Variants in COL13A1 observed in about 807,000 individuals in gnomAD.
The protein encoded by COL13A1 is collagen type XIII alpha 1 chain.
Under a neutral mutation model 130.9 loss-of-function variants are expected in COL13A1, and 89 were observed. That is an observed-to-expected ratio of 0.68 (90% CI 0.57 to 0.81). The LOEUF (loss-of-function observed/expected upper bound fraction) is 0.81. Among genes scored for constraint, COL13A1 ranks in the 30% least tolerant of loss-of-function variants. The probability of loss-of-function intolerance (pLI) is 0.00; values close to 1 mark genes in which losing one functional copy is unlikely to be tolerated. For missense variants in COL13A1, 879 were observed against 934.6 expected, an observed-to-expected ratio of 0.94 and a Z score of 0.78; for synonymous variants, 402 against 341.6, an observed-to-expected ratio of 1.18 and a Z score of -1.95.
At chr10:69,952,124 G>A (rs990418305) in intron 38 of COL13A1, among the ~76,000 whole-genome samples, 17 of 152,230 alleles carry the variant, frequency 1.1e-4, no homozygotes, top group African/African-American at 2.2e-4. Context: ...TACAAATAAC[G>A]GTCTGACTTC....
chr10:69,874,096 T>C (rs1225725990), intron 4 of COL13A1, among the ~76,000 whole-genome samples: 2 of 152,252 alleles, frequency 1.3e-5, no homozygotes, highest in Admixed American at 6.5e-5. Context: ...CTGCCATTCT[T>C]TAGCAAAAGT....
chr10:69,866,022 A>G (rs1405777446), intron 2 of COL13A1, among the ~76,000 whole-genome samples: 2 of 152,200 alleles, frequency 1.3e-5, no homozygotes, highest in Non-Finnish European at 2.9e-5. Flanking sequence ...CCTGGCACCT[A>G]ATAAGGACCA....
At chr10:69,916,390 G>A (rs1354544649) in intron 17 of COL13A1, among the ~76,000 whole-genome samples, 1 of 152,184 alleles carries the variant, frequency 6.6e-6, no homozygotes, top group Non-Finnish European at 1.5e-5. Flanking sequence ...CCCAGCTGGG[G>A]CTTCGTGCTC....
intron 1 of COL13A1, among the ~76,000 whole-genome samples, chr10:69,807,109 C>T (rs1409053864): frequency 2.0e-5 from 3 of 152,186 alleles, no homozygotes; most frequent in African/African-American, 4.8e-5. Flanking sequence ...TTGAGAGATG[C>T]CAGGTAGACT....
intron 17 of COL13A1, among the ~76,000 whole-genome samples, chr10:69,913,076 C>T (rs930253764): frequency 2.0e-5 from 3 of 152,230 alleles, no homozygotes; most frequent in African/African-American, 7.2e-5. Flanking sequence ...CGCCTCTCTA[C>T]CCACTTGTGC....
chr10:69,836,755 C>T (rs1396620547), intron 2 of COL13A1, among the ~76,000 whole-genome samples: 1 of 152,174 alleles, frequency 6.6e-6, no homozygotes, highest in African/African-American at 2.4e-5. Flanking sequence ...CTCATGGAGA[C>T]CCTGGGGAGC....
intron 2 of COL13A1, among the ~76,000 whole-genome samples, chr10:69,864,804 A>AGCTGAGGCAGTGCCT (rs1005011980): frequency 2.0e-5 from 3 of 152,158 alleles, no homozygotes; most frequent in Admixed American, 1.3e-4. Flanking sequence ...CTCAGCAGGA[A>AGCTGAGGCAGTGCCT]GCTGAGGCAG....
intron 2 of COL13A1, among the ~76,000 whole-genome samples, chr10:69,846,211 G>A (rs74139211): frequency 0.025 from 3,778 of 152,336 alleles, 129 homozygotes; most frequent in African/African-American, 0.079. Flanking sequence ...CCCAGCCCTC[G>A]GTAACAAGGG....
chr10:69,941,141 C>T, intron 35 of COL13A1, 118 bp downstream of exon 35: 1 of 1,531,010 alleles, frequency 6.5e-7, no homozygotes, highest in South Asian at 1.2e-5. Context: ...GGTCCCACCT[C>T]CGACACCAGA....
chr10:69,929,136 G>T (rs1308421726), intron 28 of COL13A1, 137 bp downstream of exon 28: 1 of 649,340 alleles, frequency 1.5e-6, no homozygotes, highest in East Asian at 2.9e-5. Flanking sequence ...CAGGGGACCC[G>T]CCCACCCACC....
intron 1 of COL13A1, among the ~76,000 whole-genome samples, chr10:69,803,068 T>A (rs111573843): frequency 2.0e-5 from 3 of 152,230 alleles, no homozygotes; most frequent in African/African-American, 7.2e-5. Flanking sequence ...CAGGGTGGTG[T>A]GACAGCCGCC....
intron 4 of COL13A1, among the ~76,000 whole-genome samples, chr10:69,874,739 C>G (rs2059415111): frequency 6.6e-6 from 1 of 152,210 alleles, no homozygotes; most frequent in African/African-American, 2.4e-5. Context: ...TCACCCTGCT[C>G]TGTGCCTTGA....
intron 5 of COL13A1, among the ~76,000 whole-genome samples, chr10:69,876,943 C>T (rs114763793): frequency 6.6e-6 from 1 of 152,204 alleles, no homozygotes; most frequent in African/African-American, 2.4e-5. Flanking sequence ...TCCTGTCCGT[C>T]CTGTCCTCCT....
rs1460682033 is a variant in COL13A1, at chr10:69,872,083, C to T, written c.373-101C>T. On this transcript the variant is annotated intron_variant, in intron 3 of 40. Coordinates refer to ENST00000645393, the MANE Select transcript of COL13A1 (RefSeq NM_001368882.1). ...TGTTCATAAAATAACAAAGGCTTAC[C>T]CAAGTGGCATGCCAAGGTCACACAG... is the stretch of plus-strand genomic sequence containing the variant. 10 of 1,374,842 alleles carry T rather than the reference C, an allele frequency of 7.3e-6. 1 individual carries two copies. The highest frequency in any genetic ancestry group is 1.7e-5 in the Admixed American group (1 of 58,302). The allele number at this position is 1,374,842 out of a possible 1,614,324, so 85.2% of individuals were successfully genotyped here. A position where few individuals can be genotyped will look rare whatever the true frequency, so the allele number is the denominator to read the frequency against.
chr10:69,839,555 G>A (rs529444813), intron 2 of COL13A1, among the ~76,000 whole-genome samples: 2 of 152,324 alleles, frequency 1.3e-5, no homozygotes, highest in African/African-American at 2.4e-5. Flanking sequence ...AGCCCACCAC[G>A]CAGAGCTAAC....
intron 2 of COL13A1, among the ~76,000 whole-genome samples, chr10:69,827,184 G>A (rs979165988): frequency 3.9e-5 from 6 of 152,340 alleles, no homozygotes; most frequent in African/African-American, 1.4e-4. Flanking sequence ...TAAGTTTCGG[G>A]ATGACATGCA....
intron 6 of COL13A1, among the ~76,000 whole-genome samples, chr10:69,879,140 C>A (rs1167578966): frequency 2.0e-5 from 3 of 152,164 alleles, no homozygotes; most frequent in Non-Finnish European, 4.4e-5. Context: ...AGTCACATGC[C>A]CCGGGTCACA....
intron 1 of COL13A1, among the ~76,000 whole-genome samples, chr10:69,816,794 C>T (rs904635018): frequency 3.3e-5 from 5 of 152,064 alleles, no homozygotes; most frequent in South Asian, 2.1e-4. Context: ...TTTGGCAACC[C>T]GGAGGTCACT....
chr10:69,812,541 A>C (rs1843333498), intron 1 of COL13A1, among the ~76,000 whole-genome samples: 2 of 152,216 alleles, frequency 1.3e-5, no homozygotes, highest in Non-Finnish European at 2.9e-5. Context: ...TCACAGGCAT[A>C]GAGTCAAGGT....
Sources: allele counts gnomAD v4.1 joint callset (sites outside exome capture counted in the v4.1 genomes callset), GRCh38; gene constraint gnomAD v4.1.1; transcripts MANE v1.5; gene names NCBI Gene and HGNC (gene_info 2026-07-23, HGNC 2026-07-21).